The following NELL1 variants were observed in gnomAD, a reference collection of about 807,000 sequenced individuals.
NELL1 encodes the protein protein kinase C-binding protein NELL1.
In NELL1, 76 loss-of-function variants were observed where a neutral mutation model predicts 107.4. The ratio of observed to expected loss-of-function variants is 0.71; its 90% CI spans 0.59 to 0.86. The LOEUF (loss-of-function observed/expected upper bound fraction) is 0.86, where lower values mean the gene tolerates loss of function less well. Ranked by LOEUF, NELL1 falls within the 40% of genes least tolerant of loss-of-function variation. The pLI, the probability that NELL1 is intolerant of heterozygous loss-of-function variation, is 0.00. For missense variants in NELL1, 1,024 were observed against 1,005.5 expected (o/e 1.02, Z -0.25); for synonymous variants, 353 against 341.2 (o/e 1.03, Z -0.38).
chr11:20,945,206 G>C (rs1487925724), intron 10 of NELL1, among the ~76,000 whole-genome samples: 1 of 152,182 alleles, frequency 6.6e-6, no homozygotes, highest in East Asian at 1.9e-4. Flanking sequence ...GAGGGTGTGG[G>C]GGATGCCAGA....
At chr11:21,081,704 A>G (rs1854273505) in intron 12 of NELL1, among the ~76,000 whole-genome samples, 1 of 152,140 alleles carries the variant, frequency 6.6e-6, no homozygotes, top group African/African-American at 2.4e-5. Context: ...TCAAACTGCT[A>G]TGATCTCTTT....
rs531059889 is a variant in NELL1 at position 21,328,445 on chromosome 11, A to G, written c.1550-42408A>G. Among the ~76,000 whole-genome samples, 19 of 152,278 alleles carry G rather than the reference A, an allele frequency of 1.2e-4. No individual in the cohort carries two copies. In the South Asian group the frequency reaches 3.7e-3, roughly 30 times the overall value. On this transcript the variant is annotated intron_variant, in intron 14 of 19. Coordinates refer to ENST00000357134, the MANE Select transcript of NELL1 (RefSeq NM_006157.5). ...TATGGAAACACCTGGATGTCCAGGC[A>G]GAAGTATGCTGTAGGGGTAGAACCC...
intron 12 of NELL1, among the ~76,000 whole-genome samples, chr11:21,055,073 G>A (rs1431117353): frequency 2.6e-5 from 4 of 151,896 alleles, no homozygotes; most frequent in East Asian, 3.9e-4. Context: ...GGTGTCTAAT[G>A]TTATTATTTT....
At chr11:20,780,784 A>G (rs1856835594) in intron 2 of NELL1, among the ~76,000 whole-genome samples, 1 of 152,150 alleles carries the variant, frequency 6.6e-6, no homozygotes, top group African/African-American at 2.4e-5. Flanking sequence ...CGTGAAAAGG[A>G]GAGAGAAGAG....
rs563896576 is a variant in NELL1, at chr11:20,678,654, G to T, written c.184+594G>T. ...ATCAGCAGATTTGGTACTTAGTGGG[G>T]GCTGGCTCTGTCTGCTTCCAAGATG... On this transcript the variant is annotated intron_variant, in intron 2 of 19. Transcript: ENST00000357134. 4.6e-5 allele frequency among the ~76,000 whole-genome samples: 7 copies of T among 152,254 alleles called. No homozygotes were observed. The South Asian group carries it at 8.3e-4, about 18-fold the overall frequency.
intron 2 of NELL1, among the ~76,000 whole-genome samples, chr11:20,678,294 G>A (rs1398451639): frequency 6.6e-6 from 1 of 152,112 alleles, no homozygotes; most frequent in Admixed American, 6.6e-5. Context: ...ATTTTGGTGA[G>A]GATCTAAAGT....
At chr11:21,212,926 T>C (rs764274167) in intron 13 of NELL1, among the ~76,000 whole-genome samples, 1 of 152,192 alleles carries the variant, frequency 6.6e-6, no homozygotes, top group Non-Finnish European at 1.5e-5. Flanking sequence ...GCTGTATCTA[T>C]TTACAGAAGG....
At chr11:21,261,209 A>G (rs1400514824) in intron 14 of NELL1, among the ~76,000 whole-genome samples, 2 of 145,086 alleles carry the variant, frequency 1.4e-5, no homozygotes, top group East Asian at 4.0e-4. Flanking sequence ...TTTTACTTTT[A>G]TTTCAAGGTC....
chr11:21,369,645 A>G (rs76391583), intron 14 of NELL1, among the ~76,000 whole-genome samples: 2,717 of 152,160 alleles, frequency 0.018, 88 homozygotes, highest in African/African-American at 0.062. Flanking sequence ...AGCATGGCAA[A>G]ATATAACCAT....
At chr11:21,247,982 G>A (rs769331071) in intron 14 of NELL1, among the ~76,000 whole-genome samples, 1 of 152,186 alleles carries the variant, frequency 6.6e-6, no homozygotes, top group African/African-American at 2.4e-5. Context: ...CTGAAGAGAT[G>A]GAGGTATAGA....
At chr11:21,499,211 A>C (rs2133929162) in intron 15 of NELL1, among the ~76,000 whole-genome samples, 1 of 152,062 alleles carries the variant, frequency 6.6e-6, no homozygotes, top group South Asian at 2.1e-4. Context: ...GTATGTTATT[A>C]AACTCTGTAA....
chr11:21,331,863 C>T (rs899405611), intron 14 of NELL1, among the ~76,000 whole-genome samples: 1 of 151,906 alleles, frequency 6.6e-6, no homozygotes, highest in African/African-American at 2.4e-5. Context: ...TGAAATCTTC[C>T]TGGTTTTTGA....
At chr11:20,725,709 G>A (rs544560556) in intron 2 of NELL1, among the ~76,000 whole-genome samples, 2 of 152,290 alleles carry the variant, frequency 1.3e-5, no homozygotes, top group South Asian at 4.1e-4. Context: ...CTAGGAATTA[G>A]TTTTGATGTT....
At chr11:20,978,785 C>T (rs1197480060) in intron 12 of NELL1, among the ~76,000 whole-genome samples, 5 of 152,002 alleles carry the variant, frequency 3.3e-5, no homozygotes, top group African/African-American at 4.8e-5. Flanking sequence ...TGCAGGAGTC[C>T]TCTCCCTCAG....
At chr11:21,013,105 C>T (rs1469002685) in intron 12 of NELL1, among the ~76,000 whole-genome samples, 2 of 152,150 alleles carry the variant, frequency 1.3e-5, no homozygotes, top group Non-Finnish European at 2.9e-5. Flanking sequence ...GTTACTTTGG[C>T]CTAAGCCCAA....
chr11:20,842,888 T>C (rs17298579), intron 3 of NELL1, among the ~76,000 whole-genome samples: 4,540 of 152,262 alleles, frequency 0.03, 85 homozygotes, highest in Middle Eastern at 0.054. Context: ...AAGGCAGTTC[T>C]CCTAGTAATG....
At chr11:21,329,713 T>G (rs1346820823) in intron 14 of NELL1, among the ~76,000 whole-genome samples, 1 of 152,174 alleles carries the variant, frequency 6.6e-6, no homozygotes, top group Admixed American at 6.6e-5. Context: ...TTTAATTACT[T>G]TAATGATCCT....
intron 2 of NELL1, among the ~76,000 whole-genome samples, chr11:20,742,900 G>A (rs1855922717): frequency 1.3e-5 from 2 of 152,142 alleles, no homozygotes; most frequent in Admixed American, 1.3e-4. Context: ...GGAGGGAAGA[G>A]CTCTTCCTTT....
chr11:20,826,829 G>A (rs190628895), intron 3 of NELL1, among the ~76,000 whole-genome samples: 2 of 151,292 alleles, frequency 1.3e-5, no homozygotes, highest in Admixed American at 1.3e-4. Flanking sequence ...ACCTTTGCAT[G>A]GAGGAGTGAG....
Sources: gnomAD v4.1 joint callset for allele counts (sites outside exome capture counted in the v4.1 genomes callset) on GRCh38, gnomAD v4.1.1 for gene constraint, MANE v1.5 for transcripts, NCBI Gene and HGNC (gene_info 2026-07-23, HGNC 2026-07-21) for gene names.